REEP5: variants seen among roughly 807,000 people sequenced by gnomAD.
REEP5 encodes receptor accessory protein 5, also known as receptor expression-enhancing protein 5.
In REEP5, 24 loss-of-function variants were observed where a neutral mutation model predicts 22.4. The ratio of observed to expected loss-of-function variants is 1.07; its 90% CI spans 0.78 to 1.51. REEP5 has a LOEUF of 1.51. REEP5 is among the 40% of genes most tolerant of loss of function. REEP5 has a pLI of 0.00. For synonymous variants in REEP5, 103 were observed against 88.6 expected (o/e 1.16, Z -0.92); for missense variants, 252 against 233.0 (o/e 1.08, Z -0.53).
intron 2 of REEP5, among the ~76,000 whole-genome samples, chr5:112,919,415 G>T (rs1038695041): frequency 1.6e-4 from 24 of 151,310 alleles, no homozygotes; most frequent in African/African-American, 5.8e-4. Flanking sequence ...AGGCGTGGTG[G>T]CACACGCCTG....
At chr5:112,890,469 A>G (rs952531040) in intron 3 of REEP5, among the ~76,000 whole-genome samples, 4 of 150,290 alleles carry the variant, frequency 2.7e-5, no homozygotes, top group African/African-American at 1.0e-4. Flanking sequence ...CCTGGGCTCA[A>G]GTGATTCTCC....
At chr5:112,914,885 G>A (rs528534260) in intron 2 of REEP5, among the ~76,000 whole-genome samples, 1 of 152,298 alleles carries the variant, frequency 6.6e-6, no homozygotes, top group Non-Finnish European at 1.5e-5. Flanking sequence ...AATGAAGTCA[G>A]GGTACGTTTC....
chr5:112,902,027 A>C (rs153548), intron 3 of REEP5, among the ~76,000 whole-genome samples: 63,831 of 151,356 alleles, frequency 0.42, 14,447 homozygotes, highest in African/African-American at 0.61. Context: ...TCCATAATTA[A>C]CCAGAACTAA....
chr5:112,897,430 A>G (rs952632886), intron 3 of REEP5: 7 of 151,862 alleles, frequency 4.6e-5, no homozygotes, highest in Non-Finnish European at 8.8e-5. Context: ...ACTTTGTTTT[A>G]TTCGCCAAAG....
In REEP5 at chr5:112,892,613, G is replaced by A. The variant is rs1335213879; in HGVS notation, c.352-5430C>T. On this transcript the variant is annotated intron_variant, in intron 3 of 4. Transcript: ENST00000379638. ...TGTGGTTTATTTGAAATACAACAAT[G>A]TCCAAGAGGAAAACACTGCAACTTT... 3.7e-6 allele frequency: 6 copies of A among 1,614,180 alleles called. No individual in the cohort carries two copies. The South Asian group carries it at 6.6e-5, about 18-fold the overall frequency.
At chr5:112,883,569 C>T (rs1768140852) in intron 4 of REEP5, among the ~76,000 whole-genome samples, 1 of 152,166 alleles carries the variant, frequency 6.6e-6, no homozygotes, top group African/African-American at 2.4e-5. Context: ...GTCTTTGGAC[C>T]TCCTGTTTCC....
chr5:112,880,400 T>C (rs1011079098), intron 4 of REEP5, among the ~76,000 whole-genome samples: 1 of 152,208 alleles, frequency 6.6e-6, no homozygotes, highest in Non-Finnish European at 1.5e-5. Context: ...CAGGGCCCAC[T>C]GTGAGATTTT....
At chr5:112,901,974 A>G (rs1220025565) in intron 3 of REEP5, among the ~76,000 whole-genome samples, 1 of 151,680 alleles carries the variant, frequency 6.6e-6, no homozygotes, top group African/African-American at 2.4e-5. Flanking sequence ...AAAAAAGAAA[A>G]AAAAAAAAAA....
At chr5:112,902,763 T>C (rs1367534083) in intron 2 of REEP5, among the ~76,000 whole-genome samples, 3 of 152,148 alleles carry the variant, frequency 2.0e-5, no homozygotes, top group African/African-American at 7.2e-5. Flanking sequence ...GTTACTGCCC[T>C]GGATCTCCAC....
chr5:112,911,880 C>T (rs1769111042), intron 2 of REEP5, among the ~76,000 whole-genome samples: 1 of 150,570 alleles, frequency 6.6e-6, no homozygotes, highest in South Asian at 2.1e-4. Context: ...GATTTAAGTA[C>T]AGGAAAAAAA....
At chr5:112,883,774 T>TCCTCCCACCCACCACAA (rs1768147099) in intron 4 of REEP5, among the ~76,000 whole-genome samples, 1 of 151,966 alleles carries the variant, frequency 6.6e-6, no homozygotes, top group African/African-American at 2.4e-5. Context: ...AAATTCCATA[T>TCCTCCCACCCACCACAA]CCTCCCACCC....
intron 2 of REEP5, among the ~76,000 whole-genome samples, chr5:112,910,201 G>A (rs1417055506): frequency 6.6e-6 from 1 of 152,190 alleles, no homozygotes; most frequent in East Asian, 1.9e-4. Flanking sequence ...TACTCGGGAG[G>A]CTGAAGCAGG....
chr5:112,905,290 C>T (rs1474153062), intron 2 of REEP5, among the ~76,000 whole-genome samples: 3 of 152,096 alleles, frequency 2.0e-5, no homozygotes, highest in Non-Finnish European at 4.4e-5. Context: ...CCTGTAGTCC[C>T]AGCACTTTGG....
At chr5:112,903,932 G>A (rs1026936780) in intron 2 of REEP5, among the ~76,000 whole-genome samples, 2 of 152,170 alleles carry the variant, frequency 1.3e-5, no homozygotes, top group African/African-American at 4.8e-5. Flanking sequence ...CTGGGCTTAT[G>A]TAATTCCCTT....
chr5:112,891,017 A>G (rs959346337), intron 3 of REEP5, among the ~76,000 whole-genome samples: 1 of 150,854 alleles, frequency 6.6e-6, no homozygotes, highest in Admixed American at 6.6e-5. Flanking sequence ...AGAACATGTT[A>G]GCTTTCAGTA....
chr5:112,879,461 T>G (rs1399160663), intron 4 of REEP5, among the ~76,000 whole-genome samples: 1 of 152,108 alleles, frequency 6.6e-6, no homozygotes, highest in African/African-American at 2.4e-5. Flanking sequence ...TGTGCTTTCA[T>G]ATACTTTATT....
chr5:112,887,103 G>A lies in REEP5; in HGVS notation c.432C>T (p.Phe144=). Residue 144 remains phenylalanine, a synonymous_variant, in exon 4 of 5, where the codon TTC becomes TTT. Transcript: ENST00000379638. The part of the protein sequence containing the change: ...ELLYKRIIRP[F]FLKHESQMDS... ...CCATCTGGGACTCGTGCTTCAGGAAGAAAGGACGGATGATGCGCTTGTAGA... is the reference window on the plus strand; with the variant it reads ...CCATCTGGGACTCGTGCTTCAGGAAAAAAGGACGGATGATGCGCTTGTAGA... The A allele has an allele frequency of 6.2e-7, 1 of 1,613,744 alleles. No individual in the cohort carries two copies. Among genetic ancestry groups the A allele is most frequent in the Non-Finnish European group, 8.5e-7 (1 of 1,179,954 alleles).
chr5:112,913,595 A>C (rs1259393177), intron 2 of REEP5, among the ~76,000 whole-genome samples: 1 of 151,440 alleles, frequency 6.6e-6, no homozygotes. Context: ...CCTATAATGA[A>C]GTATAAAGAA....
At chr5:112,921,299 C>A in intron 1 of REEP5, 43 bp from the exon 2 acceptor site, 2 of 1,593,704 alleles carry the variant, frequency 1.3e-6, no homozygotes, top group Non-Finnish European at 1.7e-6. Flanking sequence ...AGCATGAGAG[C>A]CGTTCACGCG....
Sources: gnomAD v4.1 joint callset for allele counts (sites outside exome capture counted in the v4.1 genomes callset) on GRCh38, gnomAD v4.1.1 for gene constraint, MANE v1.5 for transcripts, NCBI Gene and HGNC (gene_info 2026-07-23, HGNC 2026-07-21) for gene names.